The following EDA variants were observed in gnomAD, a reference collection of about 807,000 sequenced individuals.
The protein encoded by EDA is ectodysplasin-A.
In EDA, 2 loss-of-function variants were observed where a neutral mutation model predicts 23.6. That is an observed-to-expected ratio of 0.08 (90% CI 0.03 to 0.27). The LOEUF (loss-of-function observed/expected upper bound fraction) is 0.27. Among genes scored for constraint, EDA ranks in the 10% least tolerant of loss-of-function variants. The pLI is 1.00. For synonymous variants in EDA, 131 were observed against 132.0 expected (o/e 0.99, Z 0.05); for missense variants, 229 against 324.2 (o/e 0.71, Z 2.26).
intron 1 of EDA, chrX:69,937,288 T>C: frequency 2.9e-6 from 2 of 687,971 alleles, no homozygotes; most frequent in Non-Finnish European, 2.4e-6. Flanking sequence ...TCAAAGAACA[T>C]TCCTCTCATT....
intron 1 of EDA, among the ~76,000 whole-genome samples, chrX:69,835,613 C>A (rs1333725215): frequency 1.8e-5 from 2 of 111,238 alleles, no homozygotes; most frequent in African/African-American, 6.5e-5. Context: ...AGCCGTTTGT[C>A]TAATCTTTTT....
intron 1 of EDA, among the ~76,000 whole-genome samples, chrX:69,737,515 T>C (rs1311955044): frequency 1.8e-5 from 2 of 112,310 alleles, no homozygotes; most frequent in African/African-American, 3.2e-5. Context: ...ATTTTGTCTC[T>C]CTCATCCTTT....
At chrX:69,785,777 G>A (rs954464888) in intron 1 of EDA, among the ~76,000 whole-genome samples, 7 of 105,950 alleles carry the variant, frequency 6.6e-5, no homozygotes, top group Middle Eastern at 4.8e-3. Flanking sequence ...GTCTCTGCCC[G>A]GCTTTGGTAT....
chrX:69,633,625 G>A (rs1317220638), intron 1 of EDA, among the ~76,000 whole-genome samples: 3 of 112,445 alleles, frequency 2.7e-5, no homozygotes, highest in African/African-American at 9.7e-5. Flanking sequence ...GGCTTTATGT[G>A]TCTGGCCTTC....
chrX:69,928,284 G>A (rs1435055903), intron 1 of EDA, among the ~76,000 whole-genome samples: 1 of 111,506 alleles, frequency 9.0e-6, no homozygotes, highest in Non-Finnish European at 1.9e-5. Flanking sequence ...TTCTGATACT[G>A]GCCCCTGGTT....
At chrX:69,618,395 A>G (rs1206523150) in intron 1 of EDA, among the ~76,000 whole-genome samples, 1 of 111,813 alleles carries the variant, frequency 8.9e-6, no homozygotes, top group African/African-American at 3.3e-5. Flanking sequence ...ACAGCTTCCT[A>G]TCTTCTGTCT....
At chrX:69,967,828 C>T (rs1396055226) in intron 2 of EDA, among the ~76,000 whole-genome samples, 1 of 112,055 alleles carries the variant, frequency 8.9e-6, no homozygotes, top group Non-Finnish European at 1.9e-5. Context: ...TCTAGACTTA[C>T]ATCTTACCAA....
chrX:70,030,529 CA>C lies in EDA; in HGVS notation c.793+13del. The C allele has an allele frequency of 8.4e-7, 1 of 1,189,309 alleles. No homozygotes were observed. The highest frequency in any genetic ancestry group is 1.1e-6 in the Non-Finnish European group (1 of 879,873). On this transcript the variant is annotated intron_variant, in intron 6 of 7. Transcript: ENST00000374552. Reference sequence around the variant, plus strand: ...AATTCAAGTCAAGAATGGTAAGAATCAAAATAGGCTCTCTCCCAAAGAGGAG... The same window carrying C: ...AATTCAAGTCAAGAATGGTAAGAATCAAATAGGCTCTCTCCCAAAGAGGAG...
intron 1 of EDA, among the ~76,000 whole-genome samples, chrX:69,833,188 G>A (rs1602462413): frequency 8.9e-6 from 1 of 111,902 alleles, no homozygotes; most frequent in East Asian, 2.8e-4. Context: ...GTCATAAATA[G>A]CTCTAATTAT....
At chrX:69,854,442 T>C (rs1418928985) in intron 1 of EDA, among the ~76,000 whole-genome samples, 2 of 111,604 alleles carry the variant, frequency 1.8e-5, no homozygotes, top group Non-Finnish European at 3.8e-5. Context: ...TATCTGCCCA[T>C]CTCAGCCTCC....
chrX:69,742,503 C>T (rs963452777), intron 1 of EDA, among the ~76,000 whole-genome samples: 3 of 112,139 alleles, frequency 2.7e-5, no homozygotes, highest in African/African-American at 9.7e-5. Context: ...AATATTTCTT[C>T]ATTTTCTGTA....
chrX:69,871,849 C>T (rs2017571150), intron 1 of EDA, among the ~76,000 whole-genome samples: 1 of 111,861 alleles, frequency 8.9e-6, no homozygotes, highest in Admixed American at 9.5e-5. Context: ...GGAAAACTTC[C>T]CTGGCCTTGC....
At chrX:69,682,297 A>G (rs1217619985) in intron 1 of EDA, among the ~76,000 whole-genome samples, 1 of 112,541 alleles carries the variant, frequency 8.9e-6, no homozygotes, top group African/African-American at 3.2e-5. Flanking sequence ...CTGCCCCCAG[A>G]GGTGGAGCCT....
intron 2 of EDA, among the ~76,000 whole-genome samples, chrX:70,007,659 A>C (rs915948234): frequency 1.3e-4 from 14 of 111,227 alleles, no homozygotes; most frequent in African/African-American, 4.6e-4. Flanking sequence ...GCAGATCTTA[A>C]TTGGGATTGC....
intron 1 of EDA, among the ~76,000 whole-genome samples, chrX:69,909,290 T>A (rs1217797537): frequency 1.8e-5 from 2 of 111,888 alleles, no homozygotes; most frequent in African/African-American, 6.5e-5. Flanking sequence ...GTTTGTTGGT[T>A]GGTTTGTTTT....
chrX:69,804,275 A>G (rs779041568), intron 1 of EDA, among the ~76,000 whole-genome samples: 33 of 111,230 alleles, frequency 3.0e-4, no homozygotes, highest in African/African-American at 1.1e-3. Flanking sequence ...AATTGCCACT[A>G]TGCTAATTTA....
chrX:69,848,472 T>G, intron 1 of EDA, among the ~76,000 whole-genome samples: 1 of 111,483 alleles, frequency 9.0e-6, no homozygotes, highest in South Asian at 3.8e-4. Flanking sequence ...GGATACTTTA[T>G]AGTTTTTCAT....
At chrX:69,940,215 C>T (rs767289399) in intron 1 of EDA, among the ~76,000 whole-genome samples, 1 of 110,829 alleles carries the variant, frequency 9.0e-6, no homozygotes, top group African/African-American at 3.3e-5. Context: ...GCAATTGGGT[C>T]CCAGGCTTTT....
chrX:69,776,407 T>A (rs951656982), intron 1 of EDA, among the ~76,000 whole-genome samples: 2 of 111,222 alleles, frequency 1.8e-5, no homozygotes, highest in Non-Finnish European at 3.8e-5. Context: ...TAGTAGTGAA[T>A]AAGTCTCAAG....
Sources: gnomAD v4.1 joint callset for allele counts (sites outside exome capture counted in the v4.1 genomes callset) on GRCh38, gnomAD v4.1.1 for gene constraint, MANE v1.5 for transcripts, NCBI Gene and HGNC (gene_info 2026-07-23, HGNC 2026-07-21) for gene names.